KIF5A: variants seen among roughly 807,000 people sequenced by gnomAD.
The protein encoded by KIF5A is kinesin family member 5A, also known as kinesin heavy chain isoform 5A.
KIF5A carries 35 observed loss-of-function variants against 141.3 expected under a neutral mutation model. The observed-to-expected ratio is 0.25, with a 90% CI of 0.19 to 0.33. The LOEUF (loss-of-function observed/expected upper bound fraction) is 0.33, where lower values mean the gene tolerates loss of function less well. Among genes scored for constraint, KIF5A ranks in the 10% least tolerant of loss-of-function variants. KIF5A has a pLI of 1.00. For missense variants in KIF5A, 861 were observed against 1,314.3 expected, an observed-to-expected ratio of 0.66 and a Z score of 5.33; for synonymous variants, 448 against 500.2, an observed-to-expected ratio of 0.90 and a Z score of 1.39.
chr12:57,555,908 C>CAAAA (rs763843453), intron 1 of KIF5A, among the ~76,000 whole-genome samples: 1 of 92,310 alleles, frequency 1.1e-5, no homozygotes, highest in African/African-American at 4.2e-5. Context: ...AACTCTATCT[C>CAAAA]AAAAAAAAAA....
rs533587880 is a variant in KIF5A, at chr12:57,573,863, C to T, written c.1716+1137C>T. ...AAAAAAAAAATTTGGGAGGCCGAGGCGAGGTCAGGAGATTGAGACCATCCT... is the reference window on the plus strand; with the variant it reads ...AAAAAAAAAATTTGGGAGGCCGAGGTGAGGTCAGGAGATTGAGACCATCCT... On this transcript the variant is annotated intron_variant, in intron 15 of 28. Coordinates refer to ENST00000455537, the MANE Select transcript of KIF5A (RefSeq NM_004984.4). Among the ~76,000 whole-genome samples, 119 of 149,172 alleles carry T rather than the reference C, an allele frequency of 8.0e-4. No homozygotes were observed. In the Middle Eastern group the frequency reaches 0.014, roughly 18 times the overall value.
chr12:57,552,259 GGATGGGGCAGGGGGT>G (rs1881599941), intron 1 of KIF5A, among the ~76,000 whole-genome samples: 1 of 152,146 alleles, frequency 6.6e-6, no homozygotes, highest in Non-Finnish European at 1.5e-5. Flanking sequence ...TAGTATAGTG[GGATGGGGCAGGGGGT>G]GATGTTGGTA....
Position 57,581,853 on chromosome 12 carries a change from T to C in KIF5A, c.2910-17T>C. The C allele has an allele frequency of 6.2e-7, 1 of 1,611,442 alleles. No homozygotes were observed. The highest frequency in any genetic ancestry group is 8.5e-7 in the Non-Finnish European group (1 of 1,177,982). ...GGGTGGGTGTCAGAGGCTGCCTCTT[T>C]CCTCTGCTCCATCCAGCTTTGCAAA... On this transcript the variant is annotated splice_polypyrimidine_tract_variant and intron_variant, in intron 25 of 28. Transcript: ENST00000455537.
Position 57,575,149 on chromosome 12 carries a change from C to A in KIF5A, c.1782C>A (p.Ile594=). ...FTVARLYISK[I]KSEVKSVVKR... The stretch of plus-strand genomic sequence containing the variant: ...TGGCCCGACTCTACATCAGCAAAAT[C>A]AAATCAGAAGTCAAGTCTGTGGTCA... The change falls in exon 16 of 29, where the codon ATC becomes ATA. Residue 594 remains isoleucine (I), a synonymous_variant. Coordinates refer to ENST00000455537, the MANE Select transcript of KIF5A (RefSeq NM_004984.4). 6.2e-7 allele frequency: 1 copy of A among 1,614,070 alleles called. No individual in the cohort carries two copies. The highest frequency in any genetic ancestry group is 2.2e-5 in the East Asian group (1 of 44,868).
intron 1 of KIF5A, among the ~76,000 whole-genome samples, chr12:57,555,432 T>A (rs761387955): frequency 3.3e-5 from 5 of 151,660 alleles, no homozygotes; most frequent in Non-Finnish European, 7.4e-5. Context: ...TTAAAAGAAA[T>A]GTACAAAACT....
At chr12:57,564,364 C>T (rs1241652323) in intron 4 of KIF5A, 96 bp from the exon 5 acceptor site, 1 of 1,122,142 alleles carries the variant, frequency 8.9e-7, no homozygotes, top group Non-Finnish European at 1.4e-6. Context: ...CTTTTCCTCC[C>T]ACCACCGTTT....
chr12:57,576,901 T>C, intron 20 of KIF5A, 39 bp downstream of exon 20: 1 of 1,475,740 alleles, frequency 6.8e-7, no homozygotes, highest in Non-Finnish European at 9.5e-7. Flanking sequence ...TACAGCCTTG[T>C]AGGCTCAGAA....
rs377543075 is a variant in KIF5A, at chr12:57,569,972, C to T, written c.1118-15C>T. 2.5e-6 allele frequency: 4 copies of T among 1,612,214 alleles called. No homozygotes were observed. The African/African-American group carries it at 5.3e-5, about 22-fold the overall frequency. On this transcript the variant is annotated splice_polypyrimidine_tract_variant and intron_variant, in intron 11 of 28. Transcript: ENST00000455537. Reference sequence around the variant, plus strand: ...CTTCTTCTTCCATCTCTCACCTCGTCTTGCCCCTTTGCAGGAGAGAATGTG... The same window carrying T: ...CTTCTTCTTCCATCTCTCACCTCGTTTTGCCCCTTTGCAGGAGAGAATGTG...
chr12:57,568,980 A>C lies in KIF5A; in HGVS notation c.732A>C (p.Ala244=). 6.2e-7 allele frequency: 1 copy of C among 1,613,886 alleles called. No homozygotes were observed. Among genetic ancestry groups the C allele is most frequent in the Non-Finnish European group, 8.5e-7 (1 of 1,179,922 alleles). ...CCTGGTAGGTCAGCAAGACTGGAGC[A>C]GAGGGAGCCGTGCTGGACGAGGCAA... is the stretch of plus-strand genomic sequence containing the variant. ...AGSEKVSKTG[A]EGAVLDEAKN... Residue 244 remains alanine, a synonymous_variant, in exon 9 of 29, where the codon GCA becomes GCC. Coordinates refer to ENST00000455537, the MANE Select transcript of KIF5A (RefSeq NM_004984.4).
chr12:57,571,038 C>T (rs905904364), intron 12 of KIF5A, among the ~76,000 whole-genome samples: 4 of 150,598 alleles, frequency 2.7e-5, no homozygotes, highest in Non-Finnish European at 5.9e-5. Flanking sequence ...TGGCCTCAAG[C>T]GATCCTCCCG....
chr12:57,574,400 G>C (rs911956553), intron 15 of KIF5A, among the ~76,000 whole-genome samples: 1 of 148,784 alleles, frequency 6.7e-6, no homozygotes, highest in African/African-American at 2.5e-5. Context: ...AGCCTCCCGA[G>C]TAGCTGGGAC....
In KIF5A at chr12:57,570,136, C is replaced by G; in HGVS notation, c.1267C>G (p.Arg423Gly). 6.2e-7 allele frequency: 1 copy of G among 1,613,962 alleles called. No individual in the cohort carries two copies. The highest frequency in any genetic ancestry group is 1.1e-5 in the South Asian group (1 of 91,062). The part of the protein sequence containing the change: ...ERQKYEEEIR[R>G]LYKQLDDKDD... ...GCAGAAATACGAGGAGGAGATCCGC[C>G]GTCTCTATAAGCAGCTTGACGACAA... The change falls in exon 12 of 29, where the codon CGT becomes GGT. Residue 423 changes from arginine (R) to glycine (G), a missense_variant. Arg to Gly is a moderately radical substitution (Grantham distance 125). This residue lies in a region of KIF5A where 167 missense variants were observed against 192.0 expected (regional missense o/e 0.87). Transcript: ENST00000455537.
In KIF5A at chr12:57,563,480, G is replaced by A. The variant is rs767814774; in HGVS notation, c.171G>A (p.Thr57=). 3.7e-6 allele frequency: 6 copies of A among 1,613,842 alleles called. No homozygotes were observed. Among genetic ancestry groups the A allele is most frequent in the East Asian group, 2.2e-5 (1 of 44,870 alleles). Reference sequence around the variant, plus strand: ...TTGACCGTGTATTCCCCCCAAACACGACTCAAGAGCAAGTTTATCATGCAT... The same window carrying A: ...TTGACCGTGTATTCCCCCCAAACACAACTCAAGAGCAAGTTTATCATGCAT... The part of the protein sequence containing the change: ...YVFDRVFPPN[T]TQEQVYHACA... Residue 57 remains threonine, a synonymous_variant, in exon 2 of 29, where the codon ACG becomes ACA. Transcript: ENST00000455537.
intron 3 of KIF5A, 115 bp from the exon 4 acceptor site, chr12:57,563,993 C>G (rs900870903): frequency 6.3e-6 from 5 of 793,054 alleles, no homozygotes; most frequent in Non-Finnish European, 6.6e-6. Flanking sequence ...GTGACCATCT[C>G]CTAACTTAGG....
At chr12:57,551,872 G>GTCTCTCTC (rs57562029) in intron 1 of KIF5A, among the ~76,000 whole-genome samples, 7 of 145,776 alleles carry the variant, frequency 4.8e-5, no homozygotes, top group Admixed American at 6.9e-5. Context: ...GATGCTTTTG[G>GTCTCTCTC]TCTCTCTCTC....
intron 1 of KIF5A, among the ~76,000 whole-genome samples, chr12:57,560,351 C>T (rs769840446): frequency 6.6e-6 from 1 of 152,122 alleles, no homozygotes; most frequent in African/African-American, 2.4e-5. Flanking sequence ...ACCCTTGTAG[C>T]GAAATCTTGA....
In KIF5A at chr12:57,575,413, CA is replaced by C. The variant is rs1383198846; in HGVS notation, c.1905+142del. The C allele has an allele frequency of 1.4e-5, 15 of 1,062,422 alleles. No homozygotes were observed. In the East Asian group the frequency reaches 3.1e-4, roughly 22 times the overall value. 65.8% of individuals were successfully genotyped at this position (1,062,422 alleles called of 1,614,324 possible). A position where few individuals can be genotyped will look rare whatever the true frequency, so the allele number is the denominator to read the frequency against. ...ATCAAGGACAGAAAAGCTGGGGTGG[CA>C]GGGGTGCAGATCAGGGCCAAAAAAG... On this transcript the variant is annotated intron_variant, in intron 16 of 28. Coordinates refer to ENST00000455537, the MANE Select transcript of KIF5A (RefSeq NM_004984.4).
rs763639491 is a variant in KIF5A at position 57,550,246 on chromosome 12, G to C, written c.-26G>C. 1 of 1,613,634 alleles carries C rather than the reference G, an allele frequency of 6.2e-7. No individual in the cohort carries two copies. Among genetic ancestry groups the C allele is most frequent in the Non-Finnish European group, 8.5e-7 (1 of 1,179,964 alleles). ...ACACCACCCCTGCAGCCCAAGAAGA[G>C]TCCCAGCCCCACGCCGGCTACCACC... On this transcript the variant is annotated 5_prime_UTR_variant, in exon 1 of 29. Coordinates refer to ENST00000455537, the MANE Select transcript of KIF5A (RefSeq NM_004984.4). This position sits in a 1 kb window ranked among gnomAD's most constrained non-coding sequence, Gnocchi z 4.6.
chr12:57,550,358 G>A lies in KIF5A; in HGVS notation c.87G>A (p.Lys29=). 6.2e-7 allele frequency: 1 copy of A among 1,614,192 alleles called. No homozygotes were observed. The highest frequency in any genetic ancestry group is 8.5e-7 in the Non-Finnish European group (1 of 1,180,010). ...AGGCTGAGATTCTGCGGGGAGACAA[G>A]TTCATCCCCATTTTCCAAGGGGACG... ...LNQAEILRGD[K]FIPIFQGDDS... Residue 29 remains lysine, a synonymous_variant, in exon 1 of 29, where the codon AAG becomes AAA. Transcript: ENST00000455537. This position sits in a 1 kb window ranked among gnomAD's most constrained non-coding sequence, Gnocchi z 4.6.
Sources: allele counts gnomAD v4.1 joint callset (sites outside exome capture counted in the v4.1 genomes callset), GRCh38; gene constraint gnomAD v4.1.1; regional missense constraint gnomAD v4.1.1; non-coding constraint Gnocchi (gnomAD v3.1); transcripts MANE v1.5; gene names NCBI Gene and HGNC (gene_info 2026-07-23, HGNC 2026-07-21).